GMEB2: variants seen among roughly 807,000 people sequenced by gnomAD.
The protein encoded by GMEB2 is glucocorticoid modulatory element-binding protein 2.
In GMEB2, 7 loss-of-function variants were observed where a neutral mutation model predicts 45.7. The observed-to-expected ratio is 0.15, with a 90% CI of 0.09 to 0.29. The LOEUF (loss-of-function observed/expected upper bound fraction) is 0.29, where lower values mean the gene tolerates loss of function less well. Ranked by LOEUF, GMEB2 falls within the 10% of genes least tolerant of loss-of-function variation. The probability of loss-of-function intolerance (pLI) is 1.00; values close to 1 mark genes in which losing one functional copy is unlikely to be tolerated. For synonymous variants in GMEB2, 322 were observed against 323.6 expected (o/e 1.00, Z 0.05); for missense variants, 582 against 739.2 (o/e 0.79, Z 2.47).
intron 4 of GMEB2, among the ~76,000 whole-genome samples, chr20:63,599,782 C>T (rs1343895564): frequency 1.3e-5 from 2 of 152,200 alleles, no homozygotes; most frequent in African/African-American, 4.8e-5. Context: ...GGAGCTCTCA[C>T]ACGTGCGTTC....
In GMEB2 at chr20:63,590,311, C is replaced by T. The variant is rs1420925766; in HGVS notation, c.1371G>A (p.Leu457=). Reference sequence around the variant, plus strand: ...TACCGTCCTGCACGGCGGCCGTGCTCAGGACCGTGAGGCTGGACGCGTCCG... The same window carrying T: ...TACCGTCCTGCACGGCGGCCGTGCTTAGGACCGTGAGGCTGGACGCGTCCG... ...IHPDASSLTV[L]STAAVQDGST... Residue 457 remains leucine (L), a synonymous_variant, in exon 10 of 10, where the codon CTG becomes CTA. Transcript: ENST00000370077. The T allele has an allele frequency of 8.1e-6, 13 of 1,612,556 alleles. No individual in the cohort carries two copies. Among genetic ancestry groups the T allele is most frequent in the African/African-American group, 1.3e-5 (1 of 74,932 alleles).
At chr20:63,601,883 G>C (rs989886406) in intron 4 of GMEB2, among the ~76,000 whole-genome samples, 3 of 144,776 alleles carry the variant, frequency 2.1e-5, no homozygotes, top group African/African-American at 7.9e-5. Context: ...CGTGCTGCCT[G>C]TGGCTTCCGT....
chr20:63,594,801 G>A (rs962606348), intron 6 of GMEB2, among the ~76,000 whole-genome samples: 4 of 151,964 alleles, frequency 2.6e-5, no homozygotes, highest in African/African-American at 9.7e-5. Context: ...CAGGCTGGAG[G>A]GCAGTGGAGC....
intron 1 of GMEB2, among the ~76,000 whole-genome samples, chr20:63,624,439 A>AT (rs2089657332): frequency 6.6e-6 from 1 of 151,762 alleles, no homozygotes; most frequent in Non-Finnish European, 1.5e-5. Context: ...AAAAAAAAAA[A>AT]AATTAAAATT....
At position 63,592,480 on chromosome 20, in the gene GMEB2, T is replaced by C. The variant is rs981789991; in HGVS notation, c.829+53A>G. On this transcript the variant is annotated intron_variant, in intron 8 of 9. Coordinates refer to ENST00000370077, the MANE Select transcript of GMEB2 (RefSeq NM_012384.5). The surrounding 1 kb of genome is among the most constrained non-coding windows in gnomAD (Gnocchi z 8.2). The stretch of plus-strand genomic sequence containing the variant: ...CAGGAGGGCCAGTGGCCTCACCTCC[T>C]GCAGAGACTCCTGGGCTGAGTAGCC... 4.0e-6 allele frequency: 6 copies of C among 1,483,106 alleles called. No individual in the cohort carries two copies. The highest frequency in any genetic ancestry group is 5.6e-6 in the Non-Finnish European group (6 of 1,075,430). 91.9% of individuals were successfully genotyped at this position (1,483,106 alleles called of 1,614,324 possible).
intron 2 of GMEB2, among the ~76,000 whole-genome samples, chr20:63,606,370 C>T (rs1198158539): frequency 1.6e-5 from 2 of 124,328 alleles, no homozygotes; most frequent in African/African-American, 2.9e-5. Flanking sequence ...TTTTTTGAGA[C>T]GGAGTCTCGC....
At chr20:63,604,063 A>AC (rs1385277269) in intron 3 of GMEB2, among the ~76,000 whole-genome samples, 2 of 126,530 alleles carry the variant, frequency 1.6e-5, no homozygotes, top group African/African-American at 2.8e-5. Context: ...CAAAAAAAAA[A>AC]AAAAAAACAG....
chr20:63,601,396 T>C (rs111796942), intron 4 of GMEB2, among the ~76,000 whole-genome samples: 1 of 152,330 alleles, frequency 6.6e-6, no homozygotes, highest in African/African-American at 2.4e-5. Flanking sequence ...AATAAATTGC[T>C]TTATTTCTAT....
intron 2 of GMEB2, among the ~76,000 whole-genome samples, chr20:63,616,005 C>T (rs2089605863): frequency 6.6e-6 from 1 of 152,060 alleles, no homozygotes; most frequent in African/African-American, 2.4e-5. Flanking sequence ...TGAATTTTTG[C>T]TTATCAGTAT....
intron 6 of GMEB2, among the ~76,000 whole-genome samples, chr20:63,594,330 G>A (rs1601006349): frequency 6.6e-6 from 1 of 152,246 alleles, no homozygotes; most frequent in Non-Finnish European, 1.5e-5. Flanking sequence ...TCCCTGGCAG[G>A]CGGTCAGGCA....
intron 2 of GMEB2, among the ~76,000 whole-genome samples, chr20:63,616,433 A>C (rs2089608941): frequency 6.6e-6 from 1 of 152,222 alleles, no homozygotes; most frequent in Non-Finnish European, 1.5e-5. Context: ...AACAAGAGCG[A>C]GACTCCAACT....
At chr20:63,614,555 C>T (rs1388935771) in intron 2 of GMEB2, among the ~76,000 whole-genome samples, 1 of 152,178 alleles carries the variant, frequency 6.6e-6, no homozygotes, top group Non-Finnish European at 1.5e-5. Context: ...AGAGAAGACT[C>T]TACTCCTCCA....
In GMEB2 at chr20:63,589,074, G is replaced by A. The variant is rs1435078378; in HGVS notation, c.*1015C>T. ...TGGGGGCCGGGGGCCAGGGAGCCAA[G>A]GGCTGTTCCGTGGCCAAGCAGCCCA... On this transcript the variant is annotated 3_prime_UTR_variant, in exon 10 of 10. Coordinates refer to ENST00000370077, the MANE Select transcript of GMEB2 (RefSeq NM_012384.5). 2.5e-6 allele frequency: 1 copy of A among 399,178 alleles called. No homozygotes were observed. The highest frequency in any genetic ancestry group is 4.4e-5 in the Admixed American group (1 of 22,752). 24.7% of individuals were successfully genotyped at this position (399,178 alleles called of 1,614,324 possible).
chr20:63,622,670 A>T (rs1014749110), intron 1 of GMEB2, among the ~76,000 whole-genome samples: 2 of 152,158 alleles, frequency 1.3e-5, no homozygotes. Flanking sequence ...AGGCAAGATA[A>T]AGGGGAGAAA....
intron 1 of GMEB2, among the ~76,000 whole-genome samples, chr20:63,626,572 G>C (rs1219683560): frequency 1.4e-5 from 2 of 143,878 alleles, no homozygotes; most frequent in Non-Finnish European, 3.1e-5. Flanking sequence ...CTGCGGGTCG[G>C]GTGCCTGCGG....
intron 2 of GMEB2, among the ~76,000 whole-genome samples, chr20:63,607,090 G>T (rs550938385): frequency 6.8e-6 from 1 of 147,890 alleles, no homozygotes; most frequent in South Asian, 2.2e-4. Context: ...CTAGAAACAT[G>T]CCCCTCTAAC....
At position 63,616,843 on chromosome 20, in the gene GMEB2, G is replaced by C. The variant is rs928069629; in HGVS notation, c.131+2424C>G. 4.6e-5 allele frequency among the ~76,000 whole-genome samples: 7 copies of C among 152,322 alleles called. 1 individual carries two copies. Among genetic ancestry groups the C allele is most frequent in the Admixed American group, 6.5e-5 (1 of 15,306 alleles). On this transcript the variant is annotated intron_variant, in intron 2 of 9. Transcript: ENST00000370077. ...CTAGGGGAAGGCGTTATCCTGAACT[G>C]TGTCCCCCGTAAAATTCATATGTTG... is the stretch of plus-strand genomic sequence containing the variant.
chr20:63,593,243 C>T lies in GMEB2; in HGVS notation c.620-161G>A, dbSNP rs1323275667. Among the ~76,000 whole-genome samples, 3 of 152,130 alleles carry T rather than the reference C, an allele frequency of 2.0e-5. No individual in the cohort carries two copies. The highest frequency in any genetic ancestry group is 7.2e-5 in the African/African-American group (3 of 41,410). On this transcript the variant is annotated intron_variant, in intron 6 of 9. Coordinates refer to ENST00000370077, the MANE Select transcript of GMEB2 (RefSeq NM_012384.5). The surrounding 1 kb of genome is among the most constrained non-coding windows in gnomAD (Gnocchi z 4.7). ...CACTAGTACAGCCAAAGTGTACCTG[C>T]CTTATATTTTATGGCTATTTTTAAT...
intron 2 of GMEB2, among the ~76,000 whole-genome samples, chr20:63,613,124 T>G (rs1336252392): frequency 6.6e-6 from 1 of 152,128 alleles, no homozygotes; most frequent in Middle Eastern, 3.2e-3. Context: ...ATTGGGTGTT[T>G]TCTTAAACAG....
Sources: allele counts gnomAD v4.1 joint callset (sites outside exome capture counted in the v4.1 genomes callset), GRCh38; gene constraint gnomAD v4.1.1; non-coding constraint Gnocchi (gnomAD v3.1); transcripts MANE v1.5; gene names NCBI Gene and HGNC (gene_info 2026-07-23, HGNC 2026-07-21).